Variants in PCDH15 observed in about 807,000 individuals in gnomAD.
The protein encoded by PCDH15 is protocadherin-15.
A neutral mutation model predicts 178.5 loss-of-function variants in PCDH15; 129 were observed. The observed-to-expected ratio is 0.72, with a 90% CI of 0.63 to 0.84. PCDH15 has a LOEUF of 0.84. Ranked by LOEUF, PCDH15 falls within the 40% of genes least tolerant of loss-of-function variation. The probability of loss-of-function intolerance (pLI) is 0.00; values close to 1 mark genes in which losing one functional copy is unlikely to be tolerated. For missense variants in PCDH15, 2,230 were observed against 2,099.9 expected, an observed-to-expected ratio of 1.06 and a Z score of -1.21; for synonymous variants, 800 against 732.0, an observed-to-expected ratio of 1.09 and a Z score of -1.50.
intron 2 of PCDH15, among the ~76,000 whole-genome samples, chr10:55,153,066 A>C (rs915020141): frequency 2.0e-5 from 3 of 152,178 alleles, no homozygotes; most frequent in Non-Finnish European, 4.4e-5. Flanking sequence ...CAAGATAACA[A>C]ATTATCATTA....
intron 1 of PCDH15, among the ~76,000 whole-genome samples, chr10:55,205,491 C>T (rs937836956): frequency 2.6e-5 from 4 of 151,790 alleles, no homozygotes; most frequent in African/African-American, 7.3e-5. Context: ...CATATATTTT[C>T]AAATATAATA....
intron 1 of PCDH15, among the ~76,000 whole-genome samples, chr10:54,701,959 A>G (rs886229786): frequency 6.6e-6 from 1 of 152,064 alleles, no homozygotes; most frequent in African/African-American, 2.4e-5. Context: ...AATGGACCTA[A>G]CAGACATAGA....
intron 16 of PCDH15, among the ~76,000 whole-genome samples, chr10:54,087,480 C>T (rs1165302839): frequency 6.6e-6 from 1 of 152,106 alleles, no homozygotes; most frequent in Non-Finnish European, 1.5e-5. Context: ...GTTTCAGTAC[C>T]TCATTACCTT....
At chr10:54,713,012 T>A (rs927413822) in intron 1 of PCDH15, among the ~76,000 whole-genome samples, 4 of 152,044 alleles carry the variant, frequency 2.6e-5, no homozygotes, top group African/African-American at 9.7e-5. Context: ...TACCTCAAAT[T>A]TTTAAAAGAT....
At chr10:53,880,567 T>C (rs1334346094) in intron 26 of PCDH15, among the ~76,000 whole-genome samples, 3 of 150,878 alleles carry the variant, frequency 2.0e-5, no homozygotes, top group African/African-American at 7.3e-5. Flanking sequence ...CTAATAAATT[T>C]ACAAACAGAA....
intron 30 of PCDH15, among the ~76,000 whole-genome samples, chr10:53,829,724 A>C (rs986447970): frequency 6.6e-6 from 1 of 152,182 alleles, no homozygotes; most frequent in African/African-American, 2.4e-5. Context: ...GGTTGGAATT[A>C]CTTGAAAAGT....
At chr10:54,592,986 C>T (rs2091976626) in intron 2 of PCDH15, among the ~76,000 whole-genome samples, 1 of 152,122 alleles carries the variant, frequency 6.6e-6, no homozygotes, top group African/African-American at 2.4e-5. Flanking sequence ...TTTCATCTAG[C>T]TGTTTGCCAT....
intron 2 of PCDH15, among the ~76,000 whole-genome samples, chr10:55,104,321 G>A (rs1000187362): frequency 2.6e-5 from 4 of 152,044 alleles, no homozygotes; most frequent in Non-Finnish European, 1.5e-5. Flanking sequence ...ATCGGCAGAA[G>A]CTGCTCCTCC....
chr10:54,502,977 G>A (rs1418698099), intron 3 of PCDH15, among the ~76,000 whole-genome samples: 1 of 151,698 alleles, frequency 6.6e-6, no homozygotes, highest in African/African-American at 2.4e-5. Flanking sequence ...CCCTTCATGG[G>A]TTTATGCTTT....
intron 1 of PCDH15, among the ~76,000 whole-genome samples, chr10:54,678,904 C>A (rs1471226519): frequency 1.3e-5 from 2 of 152,124 alleles, no homozygotes; most frequent in African/African-American, 4.8e-5. Context: ...TAAAAACATA[C>A]AATTGGCCGG....
intron 2 of PCDH15, among the ~76,000 whole-genome samples, chr10:55,056,725 C>T (rs535469436): frequency 6.6e-6 from 1 of 151,358 alleles, no homozygotes; most frequent in East Asian, 1.9e-4. Context: ...CTCCACCTCC[C>T]AGATTCAAGC....
At position 54,873,759 on chromosome 10, in the gene PCDH15, CGTGTGT is replaced by C. The variant is rs931765185; in HGVS notation, c.-29+23685_-29+23690del. Among the ~76,000 whole-genome samples, 3 of 135,926 alleles carry C rather than the reference CGTGTGT, an allele frequency of 2.2e-5. No individual in the cohort carries two copies. In the Admixed American group the frequency reaches 2.2e-4, roughly 10 times the overall value. The allele number at this position is 135,926 out of a possible 152,430, so 89.2% of individuals were successfully genotyped here. On this transcript the variant is annotated intron_variant, in intron 3 of 5. Transcript: ENST00000458638. ...ATATGTATGTATGTGTATACATATA[CGTGTGT>C]GTGTGTGTTGTGTGTGTGTGTATAT... is the stretch of plus-strand genomic sequence containing the variant.
intron 2 of PCDH15, among the ~76,000 whole-genome samples, chr10:54,531,589 A>G (rs972212844): frequency 6.6e-6 from 1 of 152,162 alleles, no homozygotes; most frequent in African/African-American, 2.4e-5. Context: ...AATGAGAGCA[A>G]GCACCCAGGA....
chr10:55,328,233 T>C (rs1844086544), intron 2 of PCDH15, among the ~76,000 whole-genome samples: 1 of 93,290 alleles, frequency 1.1e-5, no homozygotes, highest in Admixed American at 9.4e-5. Context: ...AGGACAAAAC[T>C]ATATATATAT....
chr10:54,873,505 A>G (rs1010104210), intron 3 of PCDH15, among the ~76,000 whole-genome samples: 1 of 148,048 alleles, frequency 6.8e-6, no homozygotes, highest in Non-Finnish European at 1.5e-5. Context: ...ACGTGTATGT[A>G]TATATATAAT....
intron 3 of PCDH15, among the ~76,000 whole-genome samples, chr10:54,518,636 G>A (rs941079185): frequency 2.4e-4 from 36 of 152,168 alleles, no homozygotes; most frequent in African/African-American, 8.7e-4. Flanking sequence ...AGAGGTACAA[G>A]GAGGAGCTGG....
chr10:54,177,110 C>T (rs1412062775), intron 13 of PCDH15, among the ~76,000 whole-genome samples: 1 of 151,946 alleles, frequency 6.6e-6, no homozygotes, highest in Non-Finnish European at 1.5e-5. Context: ...AAGATATGGG[C>T]TATTATGTCA....
chr10:54,982,079 C>T (rs1168358878), intron 2 of PCDH15, among the ~76,000 whole-genome samples: 4 of 152,126 alleles, frequency 2.6e-5, no homozygotes, highest in East Asian at 3.9e-4. Context: ...CTGCCTAGAA[C>T]GTTGGATTTA....
chr10:55,047,781 C>CT lies in PCDH15; in HGVS notation c.-80+118794dup, dbSNP rs550940306. Among the ~76,000 whole-genome samples the CT allele has an allele frequency of 1.3e-4, 19 of 151,856 alleles. No individual in the cohort carries two copies. The East Asian group carries it at 1.5e-3, about 12-fold the overall frequency. ...TTTAATGGAATGTCTTCTGAACCTA[C>CT]TTTTTTTCAGTTTTAGAATCTGAAG... On this transcript the variant is annotated intron_variant, in intron 2 of 5. Transcript: ENST00000458638.
Sources: allele counts gnomAD v4.1 joint callset (sites outside exome capture counted in the v4.1 genomes callset), GRCh38; gene constraint gnomAD v4.1.1; transcripts MANE v1.5; gene names NCBI Gene and HGNC (gene_info 2026-07-23, HGNC 2026-07-21).